GRIN2A: variants seen among roughly 807,000 people sequenced by gnomAD.
GRIN2A encodes the protein glutamate receptor ionotropic, NMDA 2A.
Under a neutral mutation model 113.4 loss-of-function variants are expected in GRIN2A, and 22 were observed. That is an observed-to-expected ratio of 0.19 (90% CI 0.14 to 0.28). GRIN2A has a LOEUF of 0.28. Among genes scored for constraint, GRIN2A ranks in the 10% least tolerant of loss-of-function variants. GRIN2A has a pLI of 1.00. For synonymous variants in GRIN2A, 827 were observed against 738.4 expected, an observed-to-expected ratio of 1.12 and a Z score of -1.94; for missense variants, 1,502 against 1,887.0, an observed-to-expected ratio of 0.80 and a Z score of 3.78.
intron 3 of GRIN2A, among the ~76,000 whole-genome samples, chr16:9,935,642 C>T (rs534582942): frequency 6.6e-6 from 1 of 151,792 alleles, no homozygotes; most frequent in East Asian, 1.9e-4. Flanking sequence ...TTCAGAGTGA[C>T]ATAGTACCCT....
chr16:9,979,767 A>G, intron 2 of GRIN2A, among the ~76,000 whole-genome samples: 1 of 145,890 alleles, frequency 6.9e-6, no homozygotes, highest in Non-Finnish European at 1.5e-5. Flanking sequence ...TCCTATATAC[A>G]TATAAGGGAC....
chr16:9,853,618 A>C (rs543118777), intron 4 of GRIN2A, among the ~76,000 whole-genome samples: 1 of 152,212 alleles, frequency 6.6e-6, no homozygotes, highest in Non-Finnish European at 1.5e-5. Flanking sequence ...ATGGACTAAG[A>C]GTCAATCAAG....
intron 4 of GRIN2A, among the ~76,000 whole-genome samples, chr16:9,860,795 G>A (rs995159793): frequency 1.3e-5 from 2 of 152,096 alleles, no homozygotes; most frequent in Non-Finnish European, 2.9e-5. Flanking sequence ...TGAGGGCCCA[G>A]TTTGCCTCGA....
rs75586822 is a variant in GRIN2A at position 10,143,020 on chromosome 16, T to C, written c.414+36978A>G. On this transcript the variant is annotated intron_variant, in intron 2 of 12. Coordinates refer to ENST00000330684, the MANE Select transcript of GRIN2A (RefSeq NM_001134407.3). The stretch of plus-strand genomic sequence containing the variant: ...TTATAGGAATTTGGTATACTTAGGA[T>C]AGATTACCTTAATTCTATTTTCTGT... Among the ~76,000 whole-genome samples, 79 of 152,292 alleles carry C rather than the reference T, an allele frequency of 5.2e-4. No individual in the cohort carries two copies. The East Asian group carries it at 0.014, about 27-fold the overall frequency.
At chr16:9,857,760 T>C (rs1477093184) in intron 4 of GRIN2A, among the ~76,000 whole-genome samples, 1 of 152,262 alleles carries the variant, frequency 6.6e-6, no homozygotes, top group Non-Finnish European at 1.5e-5. Context: ...TATGTATTGC[T>C]ATTTTGTCAT....
chr16:10,091,683 G>A (rs1480494129), intron 2 of GRIN2A, among the ~76,000 whole-genome samples: 1 of 152,106 alleles, frequency 6.6e-6, no homozygotes, highest in Non-Finnish European at 1.5e-5. Flanking sequence ...ATGTTATTTG[G>A]AAATAGAAAT....
intron 2 of GRIN2A, among the ~76,000 whole-genome samples, chr16:10,064,038 C>T (rs966188899): frequency 6.6e-6 from 1 of 152,114 alleles, no homozygotes; most frequent in African/African-American, 2.4e-5. Flanking sequence ...CTGCTTTATT[C>T]GAATCATACT....
chr16:10,009,075 T>TTA (rs2046455669), intron 2 of GRIN2A, among the ~76,000 whole-genome samples: 1 of 152,164 alleles, frequency 6.6e-6, no homozygotes, highest in South Asian at 2.1e-4. Context: ...AGTCCCGTAT[T>TTA]TATGCTGGAA....
intron 3 of GRIN2A, among the ~76,000 whole-genome samples, chr16:9,924,253 A>C (rs1044028821): frequency 1.3e-5 from 2 of 151,920 alleles, no homozygotes; most frequent in Admixed American, 1.3e-4. Context: ...ACTTCATTTA[A>C]TATTTTTTTG....
chr16:9,947,200 C>A (rs558770216), intron 2 of GRIN2A, among the ~76,000 whole-genome samples: 1 of 152,278 alleles, frequency 6.6e-6, no homozygotes, highest in East Asian at 1.9e-4. Flanking sequence ...CCTCTCTTCA[C>A]AAATCTCACT....
At chr16:9,776,261 C>T (rs913847178) in intron 11 of GRIN2A, among the ~76,000 whole-genome samples, 1 of 150,212 alleles carries the variant, frequency 6.7e-6, no homozygotes, top group African/African-American at 2.5e-5. Context: ...ATGGTTTCCT[C>T]TACCATAACA....
At chr16:10,159,649 G>A (rs906239080) in intron 2 of GRIN2A, among the ~76,000 whole-genome samples, 1 of 152,124 alleles carries the variant, frequency 6.6e-6, no homozygotes, top group Admixed American at 6.5e-5. Flanking sequence ...ATGAGGAAAG[G>A]TAAGGTCCAG....
rs2049307248 is a variant in GRIN2A, at chr16:10,140,641, A to G, written c.414+39357T>C. On this transcript the variant is annotated intron_variant, in intron 2 of 12. Transcript: ENST00000330684. ...CAAGTGGGGCAACTTCAGCATCTCC[A>G]GCTCTCAGGATATGCACATGACCAG... Among the ~76,000 whole-genome samples the G allele has an allele frequency of 3.9e-5, 6 of 152,200 alleles. No individual in the cohort carries two copies. In the South Asian group the frequency reaches 1.0e-3, roughly 26 times the overall value.
intron 3 of GRIN2A, among the ~76,000 whole-genome samples, chr16:9,895,193 T>A (rs751116662): frequency 2.6e-5 from 4 of 152,138 alleles, no homozygotes; most frequent in African/African-American, 7.2e-5. Context: ...TTGGAAAGCA[T>A]AAGAGAAGCA....
intron 11 of GRIN2A, among the ~76,000 whole-genome samples, chr16:9,792,105 G>C (rs7193896): frequency 7.2e-4 from 109 of 151,164 alleles, no homozygotes; most frequent in African/African-American, 2.0e-3. Flanking sequence ...GTGTGTGTGT[G>C]TGTATCTTTC....
intron 2 of GRIN2A, among the ~76,000 whole-genome samples, chr16:9,987,136 G>C (rs575406705): frequency 1.4e-4 from 21 of 152,264 alleles, no homozygotes; most frequent in African/African-American, 5.1e-4. Context: ...ATACTTACTG[G>C]TATGGCTGTT....
chr16:9,790,688 C>T (rs771146575), intron 11 of GRIN2A, among the ~76,000 whole-genome samples: 1 of 152,044 alleles, frequency 6.6e-6, no homozygotes, highest in Non-Finnish European at 1.5e-5. Context: ...GTGATTACCT[C>T]CTTGCATCTC....
intron 2 of GRIN2A, among the ~76,000 whole-genome samples, chr16:10,153,597 A>G (rs907047455): frequency 6.6e-6 from 1 of 152,226 alleles, no homozygotes; most frequent in Non-Finnish European, 1.5e-5. Flanking sequence ...GTGCTAGAAC[A>G]TAAGATCCTG....
At chr16:10,070,656 G>T (rs1332898959) in intron 2 of GRIN2A, among the ~76,000 whole-genome samples, 2 of 152,138 alleles carry the variant, frequency 1.3e-5, no homozygotes, top group Non-Finnish European at 2.9e-5. Context: ...CTCATCATCA[G>T]ATTTTCCAGA....
Sources: allele counts gnomAD v4.1 joint callset (sites outside exome capture counted in the v4.1 genomes callset), GRCh38; gene constraint gnomAD v4.1.1; transcripts MANE v1.5; gene names NCBI Gene and HGNC (gene_info 2026-07-23, HGNC 2026-07-21).